ACBD6: variants seen among roughly 807,000 people sequenced by gnomAD.
ACBD6 encodes the protein acyl-CoA binding domain containing 6.
A neutral mutation model predicts 37.2 loss-of-function variants in ACBD6; 28 were observed. That is an observed-to-expected ratio of 0.75 (90% CI 0.56 to 1.03). The LOEUF (loss-of-function observed/expected upper bound fraction) is 1.03, where lower values mean the gene tolerates loss of function less well. ACBD6 is among the 50% of genes least tolerant of loss of function. The pLI, the probability that ACBD6 is intolerant of heterozygous loss-of-function variation, is 0.00. For missense variants in ACBD6, 340 were observed against 337.4 expected, an observed-to-expected ratio of 1.01 and a Z score of -0.06; for synonymous variants, 113 against 126.8, an observed-to-expected ratio of 0.89 and a Z score of 0.73.
At chr1:180,443,293 A>G (rs1649354382) in intron 3 of ACBD6, among the ~76,000 whole-genome samples, 1 of 151,814 alleles carries the variant, frequency 6.6e-6, no homozygotes, top group Non-Finnish European at 1.5e-5. Flanking sequence ...TTTTCATTCT[A>G]CTCCTGACTG....
chr1:180,368,075 A>G (rs2101911473), intron 6 of ACBD6, among the ~76,000 whole-genome samples: 1 of 152,228 alleles, frequency 6.6e-6, no homozygotes, highest in South Asian at 2.1e-4. Context: ...CTTTTTAATA[A>G]TAGCTATTCT....
chr1:180,455,126 C>T (rs1046494879), intron 3 of ACBD6, among the ~76,000 whole-genome samples: 3 of 152,120 alleles, frequency 2.0e-5, no homozygotes, highest in African/African-American at 7.2e-5. Flanking sequence ...AACTCAAATG[C>T]CCATCAGTGA....
chr1:180,460,822 A>G (rs1228547928), intron 3 of ACBD6, among the ~76,000 whole-genome samples: 1 of 152,218 alleles, frequency 6.6e-6, no homozygotes, highest in African/African-American at 2.4e-5. Flanking sequence ...AGAAAACTCA[A>G]AAAGCCAGAG....
At chr1:180,352,912 T>C (rs918445570) in intron 6 of ACBD6, among the ~76,000 whole-genome samples, 5 of 152,220 alleles carry the variant, frequency 3.3e-5, no homozygotes, top group Admixed American at 3.3e-4. Context: ...AAGTAGCTTG[T>C]TCGTGGTATG....
intron 3 of ACBD6, among the ~76,000 whole-genome samples, chr1:180,448,806 G>A (rs1485125125): frequency 6.6e-6 from 1 of 152,164 alleles, no homozygotes; most frequent in Non-Finnish European, 1.5e-5. Context: ...AGATGCCAAT[G>A]CCACACAAAT....
At chr1:180,290,709 G>C (rs1245158418) in intron 7 of ACBD6, among the ~76,000 whole-genome samples, 1 of 143,218 alleles carries the variant, frequency 7.0e-6, no homozygotes, top group Non-Finnish European at 1.6e-5. Flanking sequence ...TTGAAGGATC[G>C]AGCAAAATTT....
At chr1:180,272,776 T>C (rs1441189717) in intron 12 of ACBD6, 2 of 152,210 alleles carry the variant, frequency 1.3e-5, no homozygotes, top group Non-Finnish European at 2.9e-5. Flanking sequence ...GATTCACTTC[T>C]CTTGAGCCCC....
At chr1:180,401,605 G>A (rs1432833377) in intron 5 of ACBD6, among the ~76,000 whole-genome samples, 3 of 152,040 alleles carry the variant, frequency 2.0e-5, no homozygotes, top group Non-Finnish European at 4.4e-5. Flanking sequence ...CCAACATGGT[G>A]AAATGCTGTC....
chr1:180,298,751 A>G (rs556313624), intron 7 of ACBD6, among the ~76,000 whole-genome samples: 1 of 152,378 alleles, frequency 6.6e-6, no homozygotes, highest in African/African-American at 2.4e-5. Flanking sequence ...AGCAAGAAAT[A>G]TGGCATTCAT....
At chr1:180,443,766 C>T (rs1195184420) in intron 3 of ACBD6, among the ~76,000 whole-genome samples, 1 of 142,812 alleles carries the variant, frequency 7.0e-6, no homozygotes, top group Non-Finnish European at 1.5e-5. Flanking sequence ...ACACCCGCCA[C>T]CACGCCCAGC....
At chr1:180,448,253 A>C (rs757725116) in intron 3 of ACBD6, among the ~76,000 whole-genome samples, 7 of 152,226 alleles carry the variant, frequency 4.6e-5, no homozygotes, top group Non-Finnish European at 8.8e-5. Context: ...TATTTTCACC[A>C]ATAATATAAC....
chr1:180,463,880 T>C (rs912323663), intron 3 of ACBD6, among the ~76,000 whole-genome samples: 13 of 152,206 alleles, frequency 8.5e-5, no homozygotes, highest in Non-Finnish European at 1.5e-4. Flanking sequence ...GCTTCATCCC[T>C]GGGATGCAAG....
chr1:180,381,999 C>T (rs1386884976), intron 6 of ACBD6, among the ~76,000 whole-genome samples: 1 of 151,712 alleles, frequency 6.6e-6, no homozygotes, highest in African/African-American at 2.4e-5. Context: ...ATCCCAGCTA[C>T]CAGGGAGGCT....
At chr1:180,446,366 A>T (rs543056572) in intron 3 of ACBD6, among the ~76,000 whole-genome samples, 17 of 152,210 alleles carry the variant, frequency 1.1e-4, no homozygotes, top group African/African-American at 3.9e-4. Flanking sequence ...TCAAAGAGAA[A>T]ACTTTAAACA....
At chr1:180,473,165 G>A (rs1223105920) in intron 3 of ACBD6, among the ~76,000 whole-genome samples, 2 of 152,050 alleles carry the variant, frequency 1.3e-5, no homozygotes, top group Non-Finnish European at 2.9e-5. Flanking sequence ...ACTTTTACAC[G>A]GGCCGGGCAC....
intron 3 of ACBD6, among the ~76,000 whole-genome samples, chr1:180,434,115 C>T (rs1054313528): frequency 1.3e-5 from 2 of 152,170 alleles, no homozygotes; most frequent in Non-Finnish European, 2.9e-5. Flanking sequence ...AAAACTAGTT[C>T]AGGCCATGAT....
chr1:180,421,315 C>A (rs1557862722), intron 4 of ACBD6, among the ~76,000 whole-genome samples: 2 of 152,206 alleles, frequency 1.3e-5, no homozygotes, highest in African/African-American at 4.8e-5. Context: ...TGGCTTCCAA[C>A]TCCATCCATG....
intron 5 of ACBD6, among the ~76,000 whole-genome samples, chr1:180,412,327 T>C (rs538860272): frequency 6.6e-6 from 1 of 152,262 alleles, no homozygotes; most frequent in East Asian, 1.9e-4. Context: ...GGCTAACCTT[T>C]TGTATAGGGA....
At chr1:180,406,663 CTTTA>C (rs1320561394) in intron 5 of ACBD6, among the ~76,000 whole-genome samples, 5 of 152,042 alleles carry the variant, frequency 3.3e-5, no homozygotes, top group African/African-American at 9.7e-5. Context: ...ATGTAGCTTA[CTTTA>C]TTATTATAAT....
Sources: gnomAD v4.1 joint callset for allele counts (sites outside exome capture counted in the v4.1 genomes callset) on GRCh38, gnomAD v4.1.1 for gene constraint, MANE v1.5 for transcripts, NCBI Gene and HGNC (gene_info 2026-07-23, HGNC 2026-07-21) for gene names.